Variants in ADGB observed in about 807,000 individuals in gnomAD.
ADGB encodes calpain-7-like protein.
Under a neutral mutation model 210.5 loss-of-function variants are expected in ADGB, and 172 were observed. That is an observed-to-expected ratio of 0.82 (90% CI 0.72 to 0.93). The LOEUF (loss-of-function observed/expected upper bound fraction) is 0.93. Among genes scored for constraint, ADGB ranks in the 40% least tolerant of loss-of-function variants. The pLI, the probability that ADGB is intolerant of heterozygous loss-of-function variation, is 0.00. For synonymous variants in ADGB, 658 were observed against 662.7 expected, an observed-to-expected ratio of 0.99 and a Z score of 0.11; for missense variants, 2,025 against 1,964.8, an observed-to-expected ratio of 1.03 and a Z score of -0.58.
chr6:146,733,828 G>T lies in ADGB; in HGVS notation c.2657-65G>T, dbSNP rs188514318. 2.0e-6 allele frequency: 3 copies of T among 1,523,084 alleles called. No individual in the cohort carries two copies. In the African/African-American group the frequency reaches 4.2e-5, roughly 21 times the overall value. The allele number at this position is 1,523,084 out of a possible 1,614,324, so 94.3% of individuals were successfully genotyped here. On this transcript the variant is annotated intron_variant, in intron 21 of 35. Transcript: ENST00000397944. ...TGTTGGAGGGCTTTGGCAGCTGAAG[G>T]CGTTGAAACTTAGGGAAGGGATTAA... is the stretch of plus-strand genomic sequence containing the variant.
intron 6 of ADGB, 69 bp from the exon 7 acceptor site, chr6:146,666,747 C>A: frequency 2.2e-6 from 2 of 917,634 alleles, no homozygotes; most frequent in Non-Finnish European, 3.4e-6. Context: ...TTAATGATTC[C>A]TAGTTCTTAT....
chr6:146,616,306 A>C (rs1230289544), intron 1 of ADGB, among the ~76,000 whole-genome samples: 2 of 145,164 alleles, frequency 1.4e-5, no homozygotes, highest in Non-Finnish European at 3.0e-5. Context: ...TAAGTTTTCT[A>C]TATATTCTAG....
chr6:146,726,425 A>G (rs1776896364), intron 19 of ADGB, among the ~76,000 whole-genome samples: 1 of 151,888 alleles, frequency 6.6e-6, no homozygotes, highest in Non-Finnish European at 1.5e-5. Flanking sequence ...GGGTTTCACT[A>G]TGTTGGCCAG....
At chr6:146,782,654 A>G (rs192231123) in intron 30 of ADGB, among the ~76,000 whole-genome samples, 10 of 152,254 alleles carry the variant, frequency 6.6e-5, no homozygotes, top group Non-Finnish European at 1.3e-4. Flanking sequence ...TTGAAGCATT[A>G]AAGTATGAGA....
At chr6:146,724,134 G>A (rs1776860632) in intron 17 of ADGB, 52 bp from the exon 18 acceptor site, 1 of 1,465,536 alleles carries the variant, frequency 6.8e-7, no homozygotes, top group Non-Finnish European at 9.1e-7. Flanking sequence ...ACTAGTGAAT[G>A]CCAACTACAC....
chr6:146,631,493 G>A (rs1781064659), intron 1 of ADGB, among the ~76,000 whole-genome samples: 1 of 152,150 alleles, frequency 6.6e-6, no homozygotes, highest in Admixed American at 6.5e-5. Flanking sequence ...GGATCGGTAG[G>A]CTTCTGCTCA....
At chr6:146,640,714 C>T (rs1450414954) in intron 2 of ADGB, among the ~76,000 whole-genome samples, 2 of 151,990 alleles carry the variant, frequency 1.3e-5, no homozygotes, top group East Asian at 1.9e-4. Flanking sequence ...TTTGACACCC[C>T]TTCATGTAAA....
At chr6:146,648,163 C>T (rs1214214498) in intron 3 of ADGB, among the ~76,000 whole-genome samples, 2 of 151,884 alleles carry the variant, frequency 1.3e-5, no homozygotes, top group East Asian at 3.9e-4. Flanking sequence ...CTTTTTTAAC[C>T]AAAAATATAC....
At chr6:146,698,671 T>G (rs1195168914) in intron 12 of ADGB, among the ~76,000 whole-genome samples, 1 of 152,122 alleles carries the variant, frequency 6.6e-6, no homozygotes, top group Non-Finnish European at 1.5e-5. Flanking sequence ...AAAAAACATT[T>G]CCTGCTACTT....
intron 9 of ADGB, among the ~76,000 whole-genome samples, chr6:146,684,612 G>A (rs548137618): frequency 9.9e-5 from 15 of 152,162 alleles, no homozygotes; most frequent in African/African-American, 3.4e-4. Context: ...AACTTAAGAT[G>A]ATTAGTTATG....
At chr6:146,657,330 A>AAAAG (rs534999290) in intron 5 of ADGB, among the ~76,000 whole-genome samples, 1 of 151,174 alleles carries the variant, frequency 6.6e-6, no homozygotes, top group Non-Finnish European at 1.5e-5. Context: ...CAAAAAAAAA[A>AAAAG]AAAGAAAGAA....
At chr6:146,802,202 C>A (rs73008020) in intron 35 of ADGB, among the ~76,000 whole-genome samples, 191 bp downstream of exon 35, 2,775 of 152,066 alleles carry the variant, frequency 0.018, 40 homozygotes, top group Middle Eastern at 0.044. Flanking sequence ...CCCTAAAATC[C>A]CCCTAAAATG....
At chr6:146,713,125 T>C (rs1776682752) in intron 13 of ADGB, among the ~76,000 whole-genome samples, 2 of 152,248 alleles carry the variant, frequency 1.3e-5, no homozygotes, top group Admixed American at 1.3e-4. Flanking sequence ...TATTCCATTG[T>C]ATATGTATGT....
At chr6:146,638,063 G>A (rs373721358) in intron 2 of ADGB, among the ~76,000 whole-genome samples, 2 of 152,114 alleles carry the variant, frequency 1.3e-5, no homozygotes, top group Admixed American at 6.6e-5. Flanking sequence ...TTCACTCGCA[G>A]GATGCAAGTT....
chr6:146,728,291 T>C (rs1237344411), intron 19 of ADGB, among the ~76,000 whole-genome samples: 2 of 152,186 alleles, frequency 1.3e-5, no homozygotes, highest in Non-Finnish European at 2.9e-5. Context: ...TAATCCTAAA[T>C]GTCCTCAGAA....
intron 33 of ADGB, among the ~76,000 whole-genome samples, chr6:146,800,816 A>G (rs1778119146): frequency 1.3e-5 from 2 of 152,220 alleles, no homozygotes; most frequent in African/African-American, 4.8e-5. Context: ...GCAAAGCCCA[A>G]TCTCATTAAA....
At chr6:146,608,517 T>C (rs528809492) in intron 1 of ADGB, among the ~76,000 whole-genome samples, 28 of 152,304 alleles carry the variant, frequency 1.8e-4, no homozygotes, top group African/African-American at 6.5e-4. Flanking sequence ...TTTAGCAATA[T>C]AAAATTCCCT....
At chr6:146,736,644 T>C (rs1777083878) in intron 23 of ADGB, 53 bp downstream of exon 23, 1 of 1,310,292 alleles carries the variant, frequency 7.6e-7, no homozygotes, top group Non-Finnish European at 1.1e-6. Context: ...TTTGTCAAAG[T>C]CCAGTTTGAA....
At chr6:146,600,349 G>A (rs771392231) in intron 1 of ADGB, 4 of 270,300 alleles carry the variant, frequency 1.5e-5, no homozygotes, top group South Asian at 7.1e-5. Context: ...GGCCGAGGAC[G>A]CCCTTCAGAA....
Sources: allele counts gnomAD v4.1 joint callset (sites outside exome capture counted in the v4.1 genomes callset), GRCh38; gene constraint gnomAD v4.1.1; transcripts MANE v1.5; gene names NCBI Gene and HGNC (gene_info 2026-07-23, HGNC 2026-07-21).